Variants in ZRANB3 observed in about 807,000 individuals in gnomAD.
The protein encoded by ZRANB3 is zinc finger RANBP2-type containing 3.
ZRANB3 carries 125 observed loss-of-function variants against 133.8 expected under a neutral mutation model. The observed-to-expected ratio is 0.93, with a 90% CI of 0.81 to 1.08. The LOEUF is 1.08. ZRANB3 is among the 50% of genes least tolerant of loss of function. ZRANB3 has a pLI of 0.00. For missense variants in ZRANB3, 1,229 were observed against 1,275.5 expected (o/e 0.96, Z 0.56); for synonymous variants, 387 against 432.7 (o/e 0.89, Z 1.31).
Position 135,517,850 on chromosome 2 carries a change from G to A in ZRANB3, c.-8+13277C>T, listed in dbSNP as rs141450716. Among the ~76,000 whole-genome samples the A allele has an allele frequency of 2.0e-5, 3 of 152,328 alleles. No homozygotes were observed. In the East Asian group the frequency reaches 5.8e-4, roughly 29 times the overall value. ...GGCAGGAACATTTAAGTCTGCTAAAGCTGTGAGCACAGCTGCCCCTTCCCC... is the reference window on the plus strand; with the variant it reads ...GGCAGGAACATTTAAGTCTGCTAAAACTGTGAGCACAGCTGCCCCTTCCCC... On this transcript the variant is annotated intron_variant, in intron 1 of 20. Transcript: ENST00000264159.
intron 6 of ZRANB3, among the ~76,000 whole-genome samples, chr2:135,321,322 G>A (rs1174309068): frequency 2.0e-5 from 3 of 151,982 alleles, no homozygotes; most frequent in African/African-American, 7.2e-5. Flanking sequence ...CACGTGTACT[G>A]GTATTTTAAC....
At chr2:135,263,050 GAAAT>G (rs1465958805) in intron 12 of ZRANB3, among the ~76,000 whole-genome samples, 1 of 151,904 alleles carries the variant, frequency 6.6e-6, no homozygotes, top group Non-Finnish European at 1.5e-5. Flanking sequence ...TAAAATAAAA[GAAAT>G]AAAAACATTT....
At chr2:135,498,805 C>G (rs1338054539) in intron 2 of ZRANB3, among the ~76,000 whole-genome samples, 1 of 152,100 alleles carries the variant, frequency 6.6e-6, no homozygotes, top group African/African-American at 2.4e-5. Context: ...TGAAATAAGC[C>G]CCAGTCTCCC....
chr2:135,465,864 G>A (rs556458764), intron 2 of ZRANB3, among the ~76,000 whole-genome samples: 16 of 152,226 alleles, frequency 1.1e-4, no homozygotes, highest in South Asian at 2.1e-4. Flanking sequence ...CAAAGAATAC[G>A]AACAGACACT....
chr2:135,321,816 T>G (rs1323679734), intron 6 of ZRANB3, among the ~76,000 whole-genome samples: 1 of 152,170 alleles, frequency 6.6e-6, no homozygotes, highest in African/African-American at 2.4e-5. Flanking sequence ...ATTCCTTTTG[T>G]GTACTTATAA....
chr2:135,359,243 T>C (rs551300411), intron 3 of ZRANB3, among the ~76,000 whole-genome samples: 2 of 152,296 alleles, frequency 1.3e-5, no homozygotes, highest in South Asian at 4.1e-4. Flanking sequence ...CTTTATTAGC[T>C]AGAGTAAAAC....
rs74325801 is a variant in ZRANB3 at position 135,347,181 on chromosome 2, C to T, written c.592-1546G>A. Among the ~76,000 whole-genome samples, 1,203 of 152,234 alleles carry T rather than the reference C, an allele frequency of 7.9e-3. 13 individuals are homozygous for T. The highest frequency in any genetic ancestry group is 0.027 in the African/African-American group (1,125 of 41,528). ...GCTATATCACATTTGTTTATACATT[C>T]GTCAACTGATGGGCATTTTACTTGT... On this transcript the variant is annotated intron_variant, in intron 5 of 20. Transcript: ENST00000264159.
intron 3 of ZRANB3, among the ~76,000 whole-genome samples, chr2:135,378,613 CAG>C (rs556335142): frequency 2.0e-5 from 3 of 152,014 alleles, no homozygotes; most frequent in Non-Finnish European, 4.4e-5. Flanking sequence ...AGTAACTATA[CAG>C]TAACAAAACC....
intron 2 of ZRANB3, among the ~76,000 whole-genome samples, chr2:135,471,064 G>T (rs1279712841): frequency 6.6e-6 from 1 of 150,464 alleles, no homozygotes; most frequent in Non-Finnish European, 1.5e-5. Flanking sequence ...GTCTCCCAAA[G>T]TGCTGGGATT....
At chr2:135,411,132 T>C (rs983372172) in intron 2 of ZRANB3, among the ~76,000 whole-genome samples, 1 of 152,054 alleles carries the variant, frequency 6.6e-6, no homozygotes, top group Admixed American at 6.6e-5. Flanking sequence ...CACAGCTACT[T>C]GGGGGCTGAG....
At chr2:135,405,734 A>G (rs978484581) in intron 2 of ZRANB3, among the ~76,000 whole-genome samples, 15 of 152,178 alleles carry the variant, frequency 9.9e-5, no homozygotes, top group African/African-American at 3.4e-4. Flanking sequence ...GGTACATAAC[A>G]AAATGAAGGC....
chr2:135,292,526 T>C (rs1405559841), intron 8 of ZRANB3, among the ~76,000 whole-genome samples: 9 of 152,188 alleles, frequency 5.9e-5, no homozygotes, highest in East Asian at 3.9e-4. Context: ...CTGCAAAAAA[T>C]TTCTCCCATT....
At chr2:135,300,030 C>T (rs1472608144) in intron 8 of ZRANB3, among the ~76,000 whole-genome samples, 1 of 152,000 alleles carries the variant, frequency 6.6e-6, no homozygotes, top group Non-Finnish European at 1.5e-5. Flanking sequence ...CTGTCTAGAG[C>T]AAAGGAAGAG....
intron 3 of ZRANB3, among the ~76,000 whole-genome samples, chr2:135,378,788 AG>A (rs1471475997): frequency 6.6e-6 from 1 of 152,204 alleles, no homozygotes; most frequent in Non-Finnish European, 1.5e-5. Context: ...GGAAAGTACC[AG>A]TTGAATTCCA....
At chr2:135,210,478 C>T (rs954843589) in intron 17 of ZRANB3, among the ~76,000 whole-genome samples, 4 of 152,082 alleles carry the variant, frequency 2.6e-5, no homozygotes, top group Non-Finnish European at 4.4e-5. Context: ...ATTACGAGCA[C>T]GCACCACCAT....
At chr2:135,480,489 A>T (rs879343987) in intron 2 of ZRANB3, among the ~76,000 whole-genome samples, 1 of 152,194 alleles carries the variant, frequency 6.6e-6, no homozygotes, top group Non-Finnish European at 1.5e-5. Flanking sequence ...AGGAGAGAAA[A>T]CAAAACAATG....
intron 3 of ZRANB3, among the ~76,000 whole-genome samples, chr2:135,356,502 G>A (rs1685443389): frequency 6.6e-6 from 1 of 152,140 alleles, no homozygotes; most frequent in African/African-American, 2.4e-5. Context: ...ATAAGTATGG[G>A]TAAGAATAAG....
At chr2:135,263,965 T>C (rs1201239604) in intron 12 of ZRANB3, among the ~76,000 whole-genome samples, 1 of 151,204 alleles carries the variant, frequency 6.6e-6, no homozygotes, top group African/African-American at 2.4e-5. Context: ...TTTGTATTTT[T>C]TTAGTAGAAA....
intron 2 of ZRANB3, among the ~76,000 whole-genome samples, chr2:135,457,724 G>A (rs1199103821): frequency 1.3e-5 from 2 of 149,452 alleles, no homozygotes; most frequent in South Asian, 4.3e-4. Flanking sequence ...ACACTTTATT[G>A]ATGATGCCCG....
Sources: allele counts gnomAD v4.1 joint callset (sites outside exome capture counted in the v4.1 genomes callset), GRCh38; gene constraint gnomAD v4.1.1; transcripts MANE v1.5; gene names NCBI Gene and HGNC (gene_info 2026-07-23, HGNC 2026-07-21).